Variants in LMO7 observed in about 807,000 individuals in gnomAD.
The protein encoded by LMO7 is LIM domain 7, also known as LIM domain only protein 7.
In LMO7, 120 loss-of-function variants were observed where a neutral mutation model predicts 206.5. That is an observed-to-expected ratio of 0.58 (90% confidence interval 0.50 to 0.68). The LOEUF (loss-of-function observed/expected upper bound fraction) is 0.68. Ranked by LOEUF, LMO7 falls within the 30% of genes least tolerant of loss-of-function variation. The pLI is 0.00. For synonymous variants in LMO7, 706 were observed against 681.5 expected, an observed-to-expected ratio of 1.04 and a Z score of -0.56; for missense variants, 1,959 against 1,957.9, an observed-to-expected ratio of 1.00 and a Z score of -0.01.
chr13:75,823,825 A>C lies in LMO7; in HGVS notation c.2901A>C (p.Glu967Asp). The change falls in exon 15 of 31, where the codon GAA becomes GAC. Residue 967 changes from glutamate to aspartate, a missense_variant. Glu to Asp is a conservative substitution (Grantham distance 45). Coordinates refer to ENST00000377534, the MANE Select transcript of LMO7 (RefSeq NM_001306080.2). ...CATCTGGTCTTGATTTAATGTCTGA[A>C]TCTGGAGAAGGGGAAATCTCCCCAC... ...SSTSGLDLMS[E>D]SGEGEISPQR... The C allele has an allele frequency of 1.2e-6, 2 of 1,614,114 alleles. No homozygotes were observed. Among genetic ancestry groups the C allele is most frequent in the Non-Finnish European group, 8.5e-7 (1 of 1,179,990 alleles).
chr13:75,791,382 G>C (rs932965798), intron 4 of LMO7, among the ~76,000 whole-genome samples: 1 of 152,146 alleles, frequency 6.6e-6, no homozygotes. Flanking sequence ...GTAGGTTAAT[G>C]CAATTTAATT....
chr13:75,763,896 C>CA (rs1347976649), intron 4 of LMO7, among the ~76,000 whole-genome samples: 3 of 150,996 alleles, frequency 2.0e-5, no homozygotes, highest in African/African-American at 7.4e-5. Context: ...ATCCAGGACT[C>CA]CAACTGTTTT....
intron 4 of LMO7, among the ~76,000 whole-genome samples, chr13:75,794,605 G>A (rs1484353671): frequency 6.6e-6 from 1 of 152,150 alleles, no homozygotes; most frequent in Admixed American, 6.5e-5. Flanking sequence ...TTCTTAATCA[G>A]GCTTCTACAA....
chr13:75,762,123 A>G (rs765815424), intron 4 of LMO7, among the ~76,000 whole-genome samples: 2 of 152,168 alleles, frequency 1.3e-5, no homozygotes, highest in Non-Finnish European at 2.9e-5. Flanking sequence ...ATATGTTTTT[A>G]AATGAACACT....
chr13:75,629,156 A>G (rs1448674277), intron 2 of LMO7, among the ~76,000 whole-genome samples: 2 of 152,222 alleles, frequency 1.3e-5, no homozygotes, highest in East Asian at 1.9e-4. Flanking sequence ...CAGATTGTCA[A>G]TTGCCTTTCT....
At chr13:75,806,075 C>G (rs542909035) in intron 9 of LMO7, 3 of 1,101,140 alleles carry the variant, frequency 2.7e-6, no homozygotes, top group African/African-American at 1.6e-5. Flanking sequence ...AATTCAGACT[C>G]TGAGGATGAG....
chr13:75,838,217 T>G, intron 20 of LMO7, 21 bp downstream of exon 20: 1 of 1,586,890 alleles, frequency 6.3e-7, no homozygotes, highest in Non-Finnish European at 8.7e-7. Flanking sequence ...AAGCTAACAA[T>G]TCATGCACTT....
chr13:75,640,743 A>C (rs1443723588), intron 1 of LMO7, among the ~76,000 whole-genome samples: 1 of 152,262 alleles, frequency 6.6e-6, no homozygotes, highest in Non-Finnish European at 1.5e-5. Flanking sequence ...ATTAAAAAAT[A>C]GGATTTTAAG....
Position 75,821,184 on chromosome 13 carries a change from C to T in LMO7, c.2215C>T (p.Gln739Ter). 6.3e-7 allele frequency: 1 copy of T among 1,599,076 alleles called. No homozygotes were observed. The highest frequency in any genetic ancestry group is 8.5e-7 in the Non-Finnish European group (1 of 1,174,596). ...FKEMLQDRES[Q>*]NQKSTVPSRR... The stretch of plus-strand genomic sequence containing the variant: ...GCATTTCTCTCCGCTAAGGGAATCC[C>T]AAAATCAAAAGTCTACAGTTCCGTC... The change falls in exon 14 of 31, where the codon CAA (glutamine) becomes TAA (stop). Residue 739 changes from glutamine to a stop codon, truncating the protein, a stop_gained. Transcript: ENST00000377534. LOFTEE classifies it high-confidence loss of function.
chr13:75,794,851 T>A (rs1486506922), intron 4 of LMO7, among the ~76,000 whole-genome samples: 1 of 152,202 alleles, frequency 6.6e-6, no homozygotes, highest in Non-Finnish European at 1.5e-5. Flanking sequence ...GGCTGTTTTT[T>A]AAACTGCCAC....
At chr13:75,777,214 T>C (rs2050627968) in intron 4 of LMO7, among the ~76,000 whole-genome samples, 1 of 152,256 alleles carries the variant, frequency 6.6e-6, no homozygotes, top group Admixed American at 6.5e-5. Flanking sequence ...AAACTGTCTA[T>C]ATGAATGGTA....
In LMO7 at chr13:75,853,235, A is replaced by G; in HGVS notation, c.4508A>G (p.Asn1503Ser). The G allele has an allele frequency of 6.2e-7, 1 of 1,613,994 alleles. No homozygotes were observed. Among genetic ancestry groups the G allele is most frequent in the Non-Finnish European group, 8.5e-7 (1 of 1,180,004 alleles). The change falls in exon 28 of 31, where the codon AAC (asparagine) becomes AGC (serine). Residue 1503 changes from asparagine to serine, a missense_variant. Asn to Ser is a conservative substitution (Grantham distance 46). Coordinates refer to ENST00000377534, the MANE Select transcript of LMO7 (RefSeq NM_001306080.2). Reference sequence around the variant, plus strand: ...CCACCTCAGCTGGTGTCCACATCAAACCGTGCCTACATGCGGAACCCCTCC... The same window carrying G: ...CCACCTCAGCTGGTGTCCACATCAAGCCGTGCCTACATGCGGAACCCCTCC... ...RPPPQLVSTS[N>S]RAYMRNPSSS...
intron 4 of LMO7, among the ~76,000 whole-genome samples, chr13:75,778,902 G>A (rs2050901190): frequency 2.0e-5 from 3 of 152,242 alleles, no homozygotes; most frequent in African/African-American, 7.2e-5. Context: ...CAATATTTTA[G>A]GAAGGTCCTG....
Position 75,853,197 on chromosome 13 carries a change from C to T in LMO7, c.4470C>T (p.Asp1490=), listed in dbSNP as rs764201515. 7 of 1,614,144 alleles carry T rather than the reference C, an allele frequency of 4.3e-6. No individual in the cohort carries two copies. In the Admixed American group the frequency reaches 6.7e-5, roughly 15 times the overall value. ...TGFYASSSVQ[D]FSRPPPQLVS... Reference sequence around the variant, plus strand: ...TCTATGCTTCTTCCTCTGTGCAAGACTTTAGTCGCCCACCACCTCAGCTGG... The same window carrying T: ...TCTATGCTTCTTCCTCTGTGCAAGATTTTAGTCGCCCACCACCTCAGCTGG... The change falls in exon 28 of 31, where the codon GAC becomes GAT. Residue 1490 remains aspartate (D), a synonymous_variant. Transcript: ENST00000377534.
At chr13:75,641,166 C>T (rs1399288768) in intron 1 of LMO7, among the ~76,000 whole-genome samples, 1 of 152,196 alleles carries the variant, frequency 6.6e-6, no homozygotes, top group African/African-American at 2.4e-5. Flanking sequence ...ATCGTGATGG[C>T]ATTGAGGAGG....
At position 75,800,882 on chromosome 13, in the gene LMO7, G is replaced by T. The variant is rs751069670; in HGVS notation, c.661G>T (p.Gly221Cys). Residue 221 changes from glycine to cysteine, a missense_variant and splice_region_variant, in exon 7 of 31, where the codon GGT becomes TGT. Physicochemically the swap from Gly to Cys is radical, Grantham distance 159. Coordinates refer to ENST00000377534, the MANE Select transcript of LMO7 (RefSeq NM_001306080.2). Reference protein sequence around the residue: ...SDITLRGGREGFESDTDSEFT... With the variant: ...SDITLRGGRECFESDTDSEFT... ...TATCACGTTGAGAGGGGGGCGTGAA[G>T]GTGTGTTGTGTTTTGGCTGTCAGTT... 4.3e-6 allele frequency: 7 copies of T among 1,613,530 alleles called. No individual in the cohort carries two copies. Among genetic ancestry groups the T allele is most frequent in the African/African-American group, 4.0e-5 (3 of 75,016 alleles).
intron 1 of LMO7, chr13:75,688,937 T>C (rs1005455025): frequency 1.9e-4 from 29 of 152,318 alleles, no homozygotes; most frequent in African/African-American, 6.5e-4. Context: ...TATTTTCTTC[T>C]CCCCGCTCAG....
chr13:75,659,896 T>G (rs2038411546), intron 1 of LMO7, among the ~76,000 whole-genome samples: 1 of 152,216 alleles, frequency 6.6e-6, no homozygotes, highest in African/African-American at 2.4e-5. Flanking sequence ...AATCAAGATT[T>G]TATTATCCTC....
upstream of LMO7, among the ~76,000 whole-genome samples, chr13:75,634,302 G>A (rs550034032): frequency 2.0e-5 from 3 of 152,110 alleles, no homozygotes; most frequent in African/African-American, 7.2e-5. Context: ...GCTGGGTGTG[G>A]TGTCACTTGC....
Sources: gnomAD v4.1 joint callset for allele counts (sites outside exome capture counted in the v4.1 genomes callset) on GRCh38, gnomAD v4.1.1 for gene constraint, MANE v1.5 for transcripts, NCBI Gene and HGNC (gene_info 2026-07-23, HGNC 2026-07-21) for gene names.